Variants in FHIT observed in about 807,000 individuals in gnomAD.
FHIT encodes fragile histidine triad diadenosine triphosphatase.
FHIT carries 19 observed loss-of-function variants against 17.9 expected under a neutral mutation model. The observed-to-expected ratio is 1.06, with a 90% CI of 0.74 to 1.56. The LOEUF (loss-of-function observed/expected upper bound fraction) is 1.56. Ranked by LOEUF, FHIT falls within the 40% of genes most tolerant of loss-of-function variation. FHIT has a pLI of 0.00. For synonymous variants in FHIT, 81 were observed against 69.7 expected (o/e 1.16, Z -0.81); for missense variants, 248 against 189.2 (o/e 1.31, Z -1.82).
chr3:60,922,814 A>G (rs542940350), intron 3 of FHIT, among the ~76,000 whole-genome samples: 40 of 152,308 alleles, frequency 2.6e-4, no homozygotes, highest in African/African-American at 9.4e-4. Flanking sequence ...CAGAACCAGT[A>G]ATGAAATGTC....
chr3:60,786,256 G>A, intron 4 of FHIT, among the ~76,000 whole-genome samples: 1 of 152,106 alleles, frequency 6.6e-6, no homozygotes, highest in East Asian at 1.9e-4. Flanking sequence ...ATGGCATGGA[G>A]AGGCAATGGG....
chr3:60,705,626 T>G (rs1553703360), intron 4 of FHIT, among the ~76,000 whole-genome samples: 1 of 152,260 alleles, frequency 6.6e-6, no homozygotes, highest in East Asian at 1.9e-4. Flanking sequence ...AATACTATTT[T>G]GAAATTCATG....
At chr3:60,716,314 C>T (rs1424828289) in intron 4 of FHIT, among the ~76,000 whole-genome samples, 6 of 151,994 alleles carry the variant, frequency 3.9e-5, no homozygotes, top group African/African-American at 1.2e-4. Context: ...ACAAACACAT[C>T]GTACAGCTGC....
intron 7 of FHIT, among the ~76,000 whole-genome samples, chr3:59,986,878 T>G (rs1472824918): frequency 2.7e-5 from 3 of 110,010 alleles, no homozygotes; most frequent in African/African-American, 1.1e-4. Flanking sequence ...ATATTTCATA[T>G]TTTTATATAT....
At chr3:60,014,206 C>T in intron 5 of FHIT, 54 bp from the exon 6 acceptor site, 1 of 1,588,862 alleles carries the variant, frequency 6.3e-7, no homozygotes, top group Non-Finnish European at 8.6e-7. Flanking sequence ...GTGTTCTTAC[C>T]AAGCAGTTCA....
In FHIT at chr3:59,991,034, C is replaced by G. The variant is rs2736791; in HGVS notation, c.279+20337G>C. Among the ~76,000 whole-genome samples the G allele has an allele frequency of 3.3e-5, 5 of 151,866 alleles. No individual in the cohort carries two copies. The East Asian group carries it at 9.8e-4, about 30-fold the overall frequency. The stretch of plus-strand genomic sequence containing the variant: ...TCCGTGAGTTCAAACCTTAAACATC[C>G]AGATGAGGTATTGTGGGTAAACTTG... On this transcript the variant is annotated intron_variant, in intron 7 of 9. Transcript: ENST00000492590.
chr3:60,063,669 G>A (rs1446836958), intron 5 of FHIT, among the ~76,000 whole-genome samples: 1 of 152,144 alleles, frequency 6.6e-6, no homozygotes, highest in South Asian at 2.1e-4. Context: ...CCAGCATTTG[G>A]CAATCTCTTA....
At chr3:60,979,788 C>G (rs895740373) in intron 3 of FHIT, among the ~76,000 whole-genome samples, 3 of 152,176 alleles carry the variant, frequency 2.0e-5, no homozygotes, top group African/African-American at 4.8e-5. Flanking sequence ...CCGCTGTTCT[C>G]TCTCCTGCAA....
chr3:59,756,763 C>A (rs1701241034), intron 8 of FHIT, among the ~76,000 whole-genome samples: 1 of 152,118 alleles, frequency 6.6e-6, no homozygotes, highest in African/African-American at 2.4e-5. Context: ...AGATAAAATT[C>A]AAGGCCATCA....
intron 4 of FHIT, among the ~76,000 whole-genome samples, chr3:60,626,169 C>T (rs1018998460): frequency 2.0e-5 from 3 of 152,014 alleles, no homozygotes; most frequent in Admixed American, 6.6e-5. Context: ...CCTCCAAGTT[C>T]GCACTTTTTT....
chr3:60,588,434 G>C (rs2037975413), intron 4 of FHIT, among the ~76,000 whole-genome samples: 1 of 151,420 alleles, frequency 6.6e-6, no homozygotes, highest in Admixed American at 6.6e-5. Flanking sequence ...AAAATAAAGA[G>C]GGGAAGGAGA....
intron 4 of FHIT, among the ~76,000 whole-genome samples, chr3:60,754,119 G>T (rs1314777787): frequency 6.6e-6 from 1 of 152,072 alleles, no homozygotes; most frequent in African/African-American, 2.4e-5. Flanking sequence ...CTATACAAGG[G>T]ATCTGGCCTT....
chr3:60,679,044 T>A (rs2040688234), intron 4 of FHIT, among the ~76,000 whole-genome samples: 1 of 151,756 alleles, frequency 6.6e-6, no homozygotes, highest in Non-Finnish European at 1.5e-5. Context: ...AAGTCAATGA[T>A]AATAATAATA....
chr3:60,894,506 G>A (rs1448415125), intron 3 of FHIT, among the ~76,000 whole-genome samples: 5 of 152,080 alleles, frequency 3.3e-5, no homozygotes, highest in African/African-American at 9.7e-5. Context: ...GATGTGAGAC[G>A]CACAGATACC....
chr3:60,510,635 A>T (rs1447122062), intron 5 of FHIT, among the ~76,000 whole-genome samples: 1 of 152,120 alleles, frequency 6.6e-6, no homozygotes, highest in Non-Finnish European at 1.5e-5. Context: ...CAAGACAGAG[A>T]TGTGAGTTCA....
Position 60,801,522 on chromosome 3 carries a change from C to G in FHIT, c.-18+20397G>C, listed in dbSNP as rs527809718. 1.3e-5 allele frequency among the ~76,000 whole-genome samples: 2 copies of G among 152,210 alleles called. 1 individual carries two copies. Among genetic ancestry groups the G allele is most frequent in the Admixed American group, 1.3e-4 (2 of 15,280 alleles). On this transcript the variant is annotated intron_variant, in intron 4 of 9. Transcript: ENST00000492590. ...AGCCCTACCAGTGGGGGCTAGTTGG[C>G]CTTCACATTGGCTCCTGGCCTTCTC... is the stretch of plus-strand genomic sequence containing the variant.
At chr3:61,065,975 GA>G (rs1206294766) in intron 2 of FHIT, among the ~76,000 whole-genome samples, 2 of 152,100 alleles carry the variant, frequency 1.3e-5, no homozygotes, top group Non-Finnish European at 2.9e-5. Flanking sequence ...ATAAACAACA[GA>G]GATTTATTAG....
chr3:61,116,403 C>G (rs1453330745), intron 2 of FHIT, among the ~76,000 whole-genome samples: 1 of 152,154 alleles, frequency 6.6e-6, no homozygotes, highest in African/African-American at 2.4e-5. Context: ...CCCTTGTCCA[C>G]AGCTTTGCAT....
intron 4 of FHIT, among the ~76,000 whole-genome samples, chr3:60,589,331 A>G (rs920865798): frequency 2.6e-5 from 4 of 152,008 alleles, no homozygotes. Context: ...TTGTAGAACC[A>G]ATCACTTGTA....
Sources: allele counts gnomAD v4.1 joint callset (sites outside exome capture counted in the v4.1 genomes callset), GRCh38; gene constraint gnomAD v4.1.1; transcripts MANE v1.5; gene names NCBI Gene and HGNC (gene_info 2026-07-23, HGNC 2026-07-21).